The following GLB1 variants were observed in gnomAD, a reference collection of about 807,000 sequenced individuals.
The protein encoded by GLB1 is galactosidase beta 1.
GLB1 carries 56 observed loss-of-function variants against 74.0 expected under a neutral mutation model. The observed-to-expected ratio is 0.76, with a 90% CI of 0.61 to 0.94. The LOEUF is 0.94. Ranked by LOEUF, GLB1 falls within the 40% of genes least tolerant of loss-of-function variation. The probability of loss-of-function intolerance (pLI) is 0.00; values close to 1 mark genes in which losing one functional copy is unlikely to be tolerated. For synonymous variants in GLB1, 323 were observed against 323.6 expected, an observed-to-expected ratio of 1.00 and a Z score of 0.02; for missense variants, 787 against 845.5, an observed-to-expected ratio of 0.93 and a Z score of 0.86.
At chr3:33,014,628 CAG>C (rs1026802315) in intron 14 of GLB1, among the ~76,000 whole-genome samples, 7 of 152,150 alleles carry the variant, frequency 4.6e-5, no homozygotes, top group African/African-American at 1.4e-4. Context: ...CCCAAATTTT[CAG>C]AGTTTGGCTG....
chr3:33,048,674 CAG>C lies in GLB1; in HGVS notation c.956-2444_956-2443del, dbSNP rs1698844980. 3.3e-5 allele frequency among the ~76,000 whole-genome samples: 5 copies of C among 152,160 alleles called. No individual in the cohort carries two copies. The South Asian group carries it at 1.0e-3, about 32-fold the overall frequency. ...GCCTTCTCTCACTTCCTCAAAGAGA[CAG>C]GGCAAAAAGCAGCTTCAGGGAGGCT... On this transcript the variant is annotated intron_variant, in intron 9 of 15. Coordinates refer to ENST00000307363, the MANE Select transcript of GLB1 (RefSeq NM_000404.4).
chr3:33,014,087 T>A lies in GLB1; in HGVS notation c.1703A>T (p.Asp568Val). The change falls in exon 15 of 16, where the codon GAC becomes GTC. Residue 568 changes from aspartate to valine, a missense_variant. By Grantham distance (152) the Asp-to-Val change is radical. Transcript: ENST00000307363. ...CCATCCAGGAAACTGGATAAAGGTG[T>A]CCTGGGGCAAGTCTGGGATCCCACT... Reference protein sequence around the residue: ...IPSGIPDLPQDTFIQFPGWTK... With the variant: ...IPSGIPDLPQVTFIQFPGWTK... The A allele has an allele frequency of 2.5e-6, 4 of 1,614,182 alleles. No homozygotes were observed. Among genetic ancestry groups the A allele is most frequent in the Non-Finnish European group, 3.4e-6 (4 of 1,180,040 alleles).
At chr3:32,996,453 C>T (rs1047783986), downstream of GLB1, among the ~76,000 whole-genome samples, 1 of 152,134 alleles carries the variant, frequency 6.6e-6, no homozygotes, top group Admixed American at 6.5e-5. Flanking sequence ...AAATACTATG[C>T]TTCTATATAG....
the GLB1 span, among the ~76,000 whole-genome samples, chr3:32,963,477 C>T: frequency 5.6e-4 from 85 of 152,168 alleles, no homozygotes; most frequent in African/African-American, 1.8e-3. Flanking sequence ...AAAACATCCC[C>T]AAAGAAAAAG....
chr3:33,016,963 AAATGCTTTGATAGCATCTTAGCCC>A, intron 13 of GLB1, 123 bp from the exon 14 acceptor site: 1 of 1,479,630 alleles, frequency 6.8e-7, no homozygotes, highest in Non-Finnish European at 9.1e-7. Flanking sequence ...ACTTGGAAAG[AAATGCTTTGATAGCATCTTAGCCC>A]AAGTTACCGG....
chr3:33,002,324 T>TCCCCTCCCTCC (rs1696604747), intron 15 of GLB1, among the ~76,000 whole-genome samples: 2 of 83,166 alleles, frequency 2.4e-5, no homozygotes, highest in African/African-American at 8.3e-5. Context: ...AAAACAAAAG[T>TCCCCTCCCTCC]CTCCCTCCCT....
Position 33,097,066 on chromosome 3 carries a change from C to A in GLB1, c.20G>T (p.Arg7Leu). ...CAGAACCAGCAACAGAGGGAGGATG[C>A]GAACCAGGAACCCCGGCATGACCAC... is the stretch of plus-strand genomic sequence containing the variant. MPGFLV[R>L]ILPLLLVLLL... The change falls in exon 1 of 16, where the codon CGC becomes CTC. Residue 7 changes from arginine (R) to leucine (L), a missense_variant. Physicochemically the swap from Arg to Leu is moderately radical, Grantham distance 102. Transcript: ENST00000307363. The A allele has an allele frequency of 2.5e-6, 4 of 1,612,530 alleles. No individual in the cohort carries two copies. The highest frequency in any genetic ancestry group is 3.4e-6 in the Non-Finnish European group (4 of 1,179,046).
chr3:32,977,599 C>T, the GLB1 span, among the ~76,000 whole-genome samples: 1 of 152,176 alleles, frequency 6.6e-6, no homozygotes, highest in East Asian at 1.9e-4. Context: ...CCCTCTCAGT[C>T]TGTGAATGGA....
At chr3:32,973,351 T>C in the GLB1 span, among the ~76,000 whole-genome samples, 1 of 152,094 alleles carries the variant, frequency 6.6e-6, no homozygotes, top group African/African-American at 2.4e-5. Flanking sequence ...ATTTTTTTTT[T>C]GAGAAGGAGT....
chr3:32,997,424 AG>A (rs1696356950), intron 15 of GLB1, 80 bp from the exon 16 acceptor site: 2 of 1,588,004 alleles, frequency 1.3e-6, no homozygotes, highest in Non-Finnish European at 1.7e-6. Flanking sequence ...GATGTAGGGC[AG>A]GCCAGCAGCA....
At chr3:33,040,270 T>C (rs997708345) in intron 10 of GLB1, among the ~76,000 whole-genome samples, 1 of 152,144 alleles carries the variant, frequency 6.6e-6, no homozygotes, top group African/African-American at 2.4e-5. Context: ...CAATTTAAGA[T>C]TTTAATTTAA....
downstream of GLB1, among the ~76,000 whole-genome samples, chr3:32,993,274 T>C (rs1696256190): frequency 6.6e-6 from 1 of 152,052 alleles, no homozygotes; most frequent in Non-Finnish European, 1.5e-5. Flanking sequence ...AGACTGACAA[T>C]GACAGATAAA....
In GLB1 at chr3:33,093,308, A is replaced by T; in HGVS notation, c.75+3703T>A. 1 of 1,614,222 alleles carries T rather than the reference A, an allele frequency of 6.2e-7. No individual in the cohort carries two copies. The highest frequency in any genetic ancestry group is 8.5e-7 in the Non-Finnish European group (1 of 1,180,036). ...CGTTCTCATTATGAAGAGGCTGGAC[A>T]TGCAGGGATTCCAGAAGTGCAAACC... On this transcript the variant is annotated intron_variant, in intron 1 of 15. Coordinates refer to ENST00000307363, the MANE Select transcript of GLB1 (RefSeq NM_000404.4). The surrounding 1 kb of genome is among the most constrained non-coding windows in gnomAD (Gnocchi z 6.0).
intron 10 of GLB1, among the ~76,000 whole-genome samples, chr3:33,024,738 G>A (rs1307131061): frequency 6.6e-6 from 1 of 152,120 alleles, no homozygotes; most frequent in African/African-American, 2.4e-5. Context: ...AATTTACTGT[G>A]GTTACAAGAG....
At chr3:32,984,422 A>G in the GLB1 span, among the ~76,000 whole-genome samples, 1 of 152,270 alleles carries the variant, frequency 6.6e-6, no homozygotes, top group East Asian at 1.9e-4. Flanking sequence ...TAGACTTCTC[A>G]ACTTTGGTAA....
the GLB1 span, among the ~76,000 whole-genome samples, chr3:32,985,330 G>A: frequency 2.0e-5 from 3 of 150,186 alleles, no homozygotes; most frequent in East Asian, 4.0e-4. Context: ...TCGCTCTGTC[G>A]CCCAGGCTGG....
At chr3:33,011,265 T>C (rs1697010937) in intron 15 of GLB1, among the ~76,000 whole-genome samples, 1 of 151,944 alleles carries the variant, frequency 6.6e-6, no homozygotes, top group African/African-American at 2.4e-5. Flanking sequence ...TCCTAGCACT[T>C]TTCGAGGCCA....
rs935131381 is a variant in GLB1 at position 33,066,983 on chromosome 3, T to C, written c.457+1247A>G. On this transcript the variant is annotated intron_variant, in intron 4 of 15. Coordinates refer to ENST00000307363, the MANE Select transcript of GLB1 (RefSeq NM_000404.4). The stretch of plus-strand genomic sequence containing the variant: ...AATCCAATGACACCATCCCAGAAAC[T>C]GTCATTTTGTTTTTATTTCTTTTTT... Among the ~76,000 whole-genome samples, 5 of 149,534 alleles carry C rather than the reference T, an allele frequency of 3.3e-5. No homozygotes were observed. In the Admixed American group the frequency reaches 3.4e-4, roughly 10 times the overall value.
chr3:33,059,089 A>G (rs1287158506), intron 5 of GLB1, among the ~76,000 whole-genome samples: 1 of 152,254 alleles, frequency 6.6e-6, no homozygotes, highest in Non-Finnish European at 1.5e-5. Context: ...GGGAAGCCCC[A>G]CAATGAAGAA....
Sources: gnomAD v4.1 joint callset for allele counts (sites outside exome capture counted in the v4.1 genomes callset) on GRCh38, gnomAD v4.1.1 for gene constraint, Gnocchi (gnomAD v3.1) non-coding constraint, MANE v1.5 for transcripts, NCBI Gene and HGNC (gene_info 2026-07-23, HGNC 2026-07-21) for gene names.